SDK1: variants seen among roughly 807,000 people sequenced by gnomAD.
SDK1 encodes the protein sidekick cell adhesion molecule 1.
SDK1 carries 157 observed loss-of-function variants against 245.5 expected under a neutral mutation model. The observed-to-expected ratio is 0.64, with a 90% CI of 0.56 to 0.73. The LOEUF is 0.73. Ranked by LOEUF, SDK1 falls within the 30% of genes least tolerant of loss-of-function variation. The pLI is 0.00. For synonymous variants in SDK1, 1,647 were observed against 1,278.5 expected (o/e 1.29, Z -6.15); for missense variants, 3,583 against 3,002.3 (o/e 1.19, Z -4.52).
intron 1 of SDK1, among the ~76,000 whole-genome samples, chr7:3,508,221 G>T (rs1782457326): frequency 6.6e-6 from 1 of 151,762 alleles, no homozygotes; most frequent in South Asian, 2.1e-4. Context: ...CATGTGGACA[G>T]TTGGCTGTTG....
At chr7:3,594,425 G>C (rs1382378961) in intron 1 of SDK1, among the ~76,000 whole-genome samples, 1 of 152,172 alleles carries the variant, frequency 6.6e-6, no homozygotes, top group Non-Finnish European at 1.5e-5. Flanking sequence ...GATAATACAA[G>C]TTTTTGTGTG....
At chr7:3,589,325 C>T (rs1375600104) in intron 1 of SDK1, among the ~76,000 whole-genome samples, 1 of 151,998 alleles carries the variant, frequency 6.6e-6, no homozygotes, top group Non-Finnish European at 1.5e-5. Flanking sequence ...TACTGATCTC[C>T]CAGTTGTCAT....
intron 4 of SDK1, among the ~76,000 whole-genome samples, chr7:3,707,699 A>G (rs1288422538): frequency 1.3e-5 from 2 of 152,158 alleles, no homozygotes. Context: ...TCTTAGGTCT[A>G]ATAGTAAATG....
Position 4,067,766 on chromosome 7 carries a change from C to T in SDK1, c.2912-72C>T, listed in dbSNP as rs1452518903. ...ACCACTTTCCTTCCATAGTTAGAAC[C>T]TTCCCCACACATCTGATCAAAAGAA... On this transcript the variant is annotated intron_variant, in intron 19 of 44. Coordinates refer to ENST00000404826, the MANE Select transcript of SDK1 (RefSeq NM_152744.4). 3.6e-6 allele frequency: 4 copies of T among 1,117,290 alleles called. No homozygotes were observed. The Admixed American group carries it at 8.4e-5, about 23-fold the overall frequency. The allele number at this position is 1,117,290 out of a possible 1,614,324, so 69.2% of individuals were successfully genotyped here.
intron 1 of SDK1, among the ~76,000 whole-genome samples, chr7:3,577,325 GA>G (rs1329836284): frequency 2.6e-5 from 4 of 152,060 alleles, no homozygotes; most frequent in African/African-American, 9.7e-5. Context: ...TACAGACAAG[GA>G]AACAGAGACT....
chr7:4,139,787 G>A (rs1584267150), intron 28 of SDK1, among the ~76,000 whole-genome samples: 1 of 152,134 alleles, frequency 6.6e-6, no homozygotes, highest in South Asian at 2.1e-4. Context: ...AGCCCCAGGA[G>A]CGCTATGGGA....
intron 4 of SDK1, among the ~76,000 whole-genome samples, chr7:3,656,962 T>C (rs1312087427): frequency 6.6e-6 from 1 of 151,678 alleles, no homozygotes; most frequent in Non-Finnish European, 1.5e-5. Context: ...TTAGCCAGGA[T>C]GGTCTCAATC....
At chr7:4,132,486 C>T in intron 28 of SDK1, 63 bp downstream of exon 28, 1 of 1,174,606 alleles carries the variant, frequency 8.5e-7, no homozygotes, top group South Asian at 1.3e-5. Flanking sequence ...CCTTGGGAGA[C>T]CGAGGCAGGT....
At chr7:3,649,767 C>G (rs1481609337) in intron 4 of SDK1, among the ~76,000 whole-genome samples, 1 of 152,084 alleles carries the variant, frequency 6.6e-6, no homozygotes, top group East Asian at 1.9e-4. Context: ...ACTCCTAAGT[C>G]CACACCGTTC....
At chr7:3,825,269 G>C (rs1474279424) in intron 5 of SDK1, among the ~76,000 whole-genome samples, 1 of 145,702 alleles carries the variant, frequency 6.9e-6, no homozygotes, top group Non-Finnish European at 1.5e-5. Context: ...AACCTTTGTG[G>C]AACAGAACTT....
chr7:3,830,112 C>T (rs562311870), intron 5 of SDK1, among the ~76,000 whole-genome samples: 55 of 152,252 alleles, frequency 3.6e-4, no homozygotes, highest in Non-Finnish European at 7.4e-4. Flanking sequence ...CCCTAATTCC[C>T]AGATATTGAC....
rs181349351 is a variant in SDK1, at chr7:3,724,109, G to T, written c.713+82004G>T. On this transcript the variant is annotated intron_variant, in intron 4 of 44. Transcript: ENST00000404826. ...CTCCCAAGTAGCTGGGATTACAGGC[G>T]TGTGCCACCATGCTCAGCTAATTTG... Among the ~76,000 whole-genome samples, 156 of 151,990 alleles carry T rather than the reference G, an allele frequency of 1.0e-3. 1 individual carries two copies. Among genetic ancestry groups the T allele is most frequent in the African/African-American group, 3.7e-3 (153 of 41,486 alleles).
At chr7:3,966,522 G>C (rs139658632) in intron 9 of SDK1, among the ~76,000 whole-genome samples, 1 of 152,014 alleles carries the variant, frequency 6.6e-6, no homozygotes, top group African/African-American at 2.4e-5. Context: ...CATCCCCCAT[G>C]AACAAGAAGA....
intron 21 of SDK1, among the ~76,000 whole-genome samples, chr7:4,078,514 C>T (rs1237175205): frequency 6.6e-6 from 1 of 152,092 alleles, no homozygotes; most frequent in Non-Finnish European, 1.5e-5. Flanking sequence ...TTTCATTGTC[C>T]CTGTGCAAGA....
chr7:3,401,395 G>T (rs1314289243), intron 1 of SDK1, among the ~76,000 whole-genome samples: 1 of 152,170 alleles, frequency 6.6e-6, no homozygotes, highest in Non-Finnish European at 1.5e-5. Context: ...CTTGAAAATG[G>T]CAGTGTCACC....
chr7:3,822,606 C>G (rs1304164954), intron 5 of SDK1, among the ~76,000 whole-genome samples: 2 of 151,644 alleles, frequency 1.3e-5, no homozygotes, highest in Admixed American at 1.3e-4. Context: ...CCTGTCTCTA[C>G]AAAAAATGCA....
intron 14 of SDK1, among the ~76,000 whole-genome samples, chr7:4,001,663 G>C (rs1785082998): frequency 6.6e-6 from 1 of 152,218 alleles, no homozygotes; most frequent in Non-Finnish European, 1.5e-5. Context: ...TTTCTCTAAA[G>C]ACATATACAA....
intron 4 of SDK1, among the ~76,000 whole-genome samples, chr7:3,745,478 G>C (rs1779589482): frequency 6.6e-6 from 1 of 152,126 alleles, no homozygotes; most frequent in African/African-American, 2.4e-5. Context: ...ATATAATACT[G>C]TTAACTAGAA....
At chr7:3,417,176 A>G (rs1779390069) in intron 1 of SDK1, among the ~76,000 whole-genome samples, 1 of 152,160 alleles carries the variant, frequency 6.6e-6, no homozygotes, top group Non-Finnish European at 1.5e-5. Context: ...CTCTGTATAA[A>G]AACAAAAAAT....
Sources: allele counts gnomAD v4.1 joint callset (sites outside exome capture counted in the v4.1 genomes callset), GRCh38; gene constraint gnomAD v4.1.1; transcripts MANE v1.5; gene names NCBI Gene and HGNC (gene_info 2026-07-23, HGNC 2026-07-21).